Variants in PACRG observed in about 807,000 individuals in gnomAD.
PACRG encodes the protein parkin coregulated.
In PACRG, 29 loss-of-function variants were observed where a neutral mutation model predicts 29.7. That is an observed-to-expected ratio of 0.98 (90% CI 0.73 to 1.33). The LOEUF (loss-of-function observed/expected upper bound fraction) is 1.33, where lower values mean the gene tolerates loss of function less well. Among genes scored for constraint, PACRG ranks in the 40% most tolerant of loss-of-function variants. PACRG has a pLI of 0.00. For synonymous variants in PACRG, 116 were observed against 118.7 expected, an observed-to-expected ratio of 0.98 and a Z score of 0.15; for missense variants, 279 against 316.2, an observed-to-expected ratio of 0.88 and a Z score of 0.89.
chr6:163,115,335 G>A (rs1815928172), intron 4 of PACRG, among the ~76,000 whole-genome samples: 1 of 152,068 alleles, frequency 6.6e-6, no homozygotes, highest in African/African-American at 2.4e-5. Context: ...TCTGGATCTT[G>A]GAAAAAGCAG....
At position 163,171,390 on chromosome 6, in the gene PACRG, G is replaced by A. The variant is rs557684569; in HGVS notation, c.613+81982G>A. Among the ~76,000 whole-genome samples, 8 of 152,274 alleles carry A rather than the reference G, an allele frequency of 5.3e-5. No individual in the cohort carries two copies. In the South Asian group the frequency reaches 1.7e-3, roughly 32 times the overall value. On this transcript the variant is annotated intron_variant, in intron 4 of 4. Coordinates refer to ENST00000366888, the MANE Select transcript of PACRG (RefSeq NM_001080379.2). Reference sequence around the variant, plus strand: ...CACCAGGCTGTGTGTCCACTAAGCCGTTTATCTGCTTTTGCTCACTTATTG... The same window carrying A: ...CACCAGGCTGTGTGTCCACTAAGCCATTTATCTGCTTTTGCTCACTTATTG...
chr6:163,148,422 G>A (rs1777892645), intron 4 of PACRG, among the ~76,000 whole-genome samples: 1 of 152,176 alleles, frequency 6.6e-6, no homozygotes, highest in Non-Finnish European at 1.5e-5. Flanking sequence ...TATAATGTGT[G>A]CAGGCCACAT....
intron 2 of PACRG, among the ~76,000 whole-genome samples, chr6:163,033,789 A>G (rs1807894126): frequency 6.6e-6 from 1 of 152,202 alleles, no homozygotes; most frequent in Non-Finnish European, 1.5e-5. Flanking sequence ...AAGGACATAG[A>G]AGACAAGAGG....
At chr6:162,973,518 T>C (rs1268896333) in intron 2 of PACRG, among the ~76,000 whole-genome samples, 1 of 152,178 alleles carries the variant, frequency 6.6e-6, no homozygotes, top group Non-Finnish European at 1.5e-5. Flanking sequence ...TCTTGCTCTG[T>C]AGCAAGCAAG....
At chr6:163,220,920 A>G (rs1175240089) in intron 4 of PACRG, among the ~76,000 whole-genome samples, 1 of 152,166 alleles carries the variant, frequency 6.6e-6, no homozygotes, top group Non-Finnish European at 1.5e-5. Context: ...GGAAGACCTA[A>G]GCTTACTGAT....
intron 2 of PACRG, among the ~76,000 whole-genome samples, chr6:162,915,782 C>T (rs1796658948): frequency 6.6e-6 from 1 of 152,102 alleles, no homozygotes; most frequent in Non-Finnish European, 1.5e-5. Flanking sequence ...TACCACTTGA[C>T]ATCTAATGTA....
chr6:162,878,319 T>G, intron 2 of PACRG, among the ~76,000 whole-genome samples: 1 of 152,310 alleles, frequency 6.6e-6, no homozygotes, highest in Middle Eastern at 3.4e-3. Flanking sequence ...GAAAATTATT[T>G]TAAACTTAAT....
chr6:163,230,336 ATATGGAGTACT>A (rs1282923995), intron 4 of PACRG, among the ~76,000 whole-genome samples: 6 of 152,366 alleles, frequency 3.9e-5, no homozygotes, highest in African/African-American at 1.4e-4. Context: ...CCTAAAATGT[ATATGGAGTACT>A]TACTGTAAGT....
intron 2 of PACRG, among the ~76,000 whole-genome samples, chr6:162,964,393 A>C (rs1800865047): frequency 6.6e-6 from 1 of 152,200 alleles, no homozygotes; most frequent in South Asian, 2.1e-4. Context: ...AGTTAATGAA[A>C]TCATAAAGGC....
At chr6:163,052,047 G>C (rs1810068403) in intron 2 of PACRG, 1 of 152,124 alleles carries the variant, frequency 6.6e-6, no homozygotes, top group Non-Finnish European at 1.5e-5. Flanking sequence ...AAAATATAAG[G>C]TGAGAAATTA....
In PACRG at chr6:163,038,186, A is replaced by G. The variant is rs888215197; in HGVS notation, c.292-23964A>G. Among the ~76,000 whole-genome samples the G allele has an allele frequency of 2.6e-5, 4 of 152,342 alleles. No individual in the cohort carries two copies. The South Asian group carries it at 8.3e-4, about 32-fold the overall frequency. On this transcript the variant is annotated intron_variant, in intron 2 of 4. Coordinates refer to ENST00000366888, the MANE Select transcript of PACRG (RefSeq NM_001080379.2). ...GGGGCAGGATTTGGACTTAGGCTCC[A>G]ACATGTACACCTTAACCACTATTAT...
At chr6:162,981,272 A>T (rs1296524671) in intron 2 of PACRG, among the ~76,000 whole-genome samples, 2 of 147,660 alleles carry the variant, frequency 1.4e-5, no homozygotes, top group Non-Finnish European at 3.0e-5. Flanking sequence ...ATATATTTAT[A>T]TATTTTTATG....
chr6:162,911,777 G>C (rs1046442574), intron 2 of PACRG, among the ~76,000 whole-genome samples: 1 of 152,162 alleles, frequency 6.6e-6, no homozygotes, highest in Non-Finnish European at 1.5e-5. Flanking sequence ...TAAACCAAGT[G>C]ATAATGCTGT....
intron 4 of PACRG, among the ~76,000 whole-genome samples, chr6:163,122,192 A>G (rs1816311186): frequency 1.3e-5 from 2 of 152,152 alleles, no homozygotes; most frequent in South Asian, 4.1e-4. Flanking sequence ...TAATATCTTG[A>G]GAAAAAAATA....
chr6:162,844,492 T>C (rs747850053), intron 2 of PACRG, among the ~76,000 whole-genome samples: 11 of 152,114 alleles, frequency 7.2e-5, no homozygotes, highest in East Asian at 3.9e-4. Context: ...TGTGCCCACT[T>C]TCTGGCACTC....
chr6:162,741,529 C>G (rs1780597363), intron 1 of PACRG, among the ~76,000 whole-genome samples: 1 of 152,172 alleles, frequency 6.6e-6, no homozygotes, highest in African/African-American at 2.4e-5. Context: ...CTCTCTCTCT[C>G]TCTTTCTTGT....
intron 2 of PACRG, among the ~76,000 whole-genome samples, chr6:162,882,324 T>C (rs1228986441): frequency 1.3e-5 from 2 of 150,868 alleles, no homozygotes; most frequent in African/African-American, 4.9e-5. Context: ...CCGGGGGCCC[T>C]CTCCACCATG....
chr6:163,315,179 CT>C lies in PACRG; in HGVS notation c.*194del. On this transcript the variant is annotated 3_prime_UTR_variant, in exon 5 of 5. Coordinates refer to ENST00000366888, the MANE Select transcript of PACRG (RefSeq NM_001080379.2). ...TCCAATACATAAATAGTGTCTGTTT[CT>C]TAGATTACAATAGTGTACTGTGCTT... 1 of 592,142 alleles carries C rather than the reference CT, an allele frequency of 1.7e-6. No homozygotes were observed. 36.7% of individuals were successfully genotyped at this position (592,142 alleles called of 1,614,324 possible). A position where few individuals can be genotyped will look rare whatever the true frequency, so the allele number is the denominator to read the frequency against.
At chr6:163,025,964 T>G (rs973172402) in intron 2 of PACRG, among the ~76,000 whole-genome samples, 1 of 152,210 alleles carries the variant, frequency 6.6e-6, no homozygotes, top group Non-Finnish European at 1.5e-5. Context: ...TCTATAAAAT[T>G]TAGCTAAAGC....
Sources: gnomAD v4.1 joint callset for allele counts (sites outside exome capture counted in the v4.1 genomes callset) on GRCh38, gnomAD v4.1.1 for gene constraint, MANE v1.5 for transcripts, NCBI Gene and HGNC (gene_info 2026-07-23, HGNC 2026-07-21) for gene names.